ARMC10: variants seen among roughly 807,000 people sequenced by gnomAD.
ARMC10 encodes armadillo repeat-containing protein 10.
A neutral mutation model predicts 30.2 loss-of-function variants in ARMC10; 23 were observed. That is an observed-to-expected ratio of 0.76 (90% CI 0.55 to 1.08). The LOEUF (loss-of-function observed/expected upper bound fraction) is 1.08. Ranked by LOEUF, ARMC10 falls within the 50% of genes least tolerant of loss-of-function variation. The pLI, the probability that ARMC10 is intolerant of heterozygous loss-of-function variation, is 0.00. For synonymous variants in ARMC10, 111 were observed against 164.4 expected (o/e 0.68, Z 2.48); for missense variants, 303 against 413.7 (o/e 0.73, Z 2.32).
chr7:103,092,543 G>A lies in ARMC10; in HGVS notation c.595G>A (p.Gly199Arg), dbSNP rs1801438998. The A allele has an allele frequency of 6.2e-7, 1 of 1,610,210 alleles. No homozygotes were observed. Among genetic ancestry groups the A allele is most frequent in the Non-Finnish European group, 8.5e-7 (1 of 1,177,030 alleles). The change falls in exon 5 of 7, where the codon GGA (glycine) becomes AGA (arginine). Residue 199 changes from glycine (G) to arginine (R), a missense_variant. By Grantham distance (125) the Gly-to-Arg change is moderately radical. Around this residue, in one of 4 missense-constraint regions of ARMC10, gnomAD observed 170 missense variants for 207.2 expected, o/e 0.82. Transcript: ENST00000323716. ...TCTGAACTCTGCTGTGCAGCTGGCT[G>A]GACTGACATTGTTGACAAACATGAC... ...GPLNSAVQLA[G>R]LTLLTNMTVT...
chr7:103,083,537 G>C (rs1175868497), intron 2 of ARMC10, 145 bp from the exon 3 acceptor site: 2 of 680,752 alleles, frequency 2.9e-6, no homozygotes, highest in African/African-American at 3.6e-5. Flanking sequence ...GAGGCAGGAA[G>C]ATCACTTGAG....
intron 2 of ARMC10, among the ~76,000 whole-genome samples, chr7:103,082,405 CAAAAA>C (rs11354159): frequency 1.4e-5 from 2 of 141,502 alleles, no homozygotes; most frequent in African/African-American, 2.6e-5. Context: ...CTGTTTATTG[CAAAAA>C]AAAAAAAAAG....
intron 2 of ARMC10, among the ~76,000 whole-genome samples, chr7:103,077,630 T>G (rs868273568): frequency 3.9e-5 from 6 of 152,296 alleles, no homozygotes; most frequent in Middle Eastern, 3.4e-3. Context: ...AGGCCTTACC[T>G]CTCAATACTG....
chr7:103,090,933 C>T (rs1471182340), intron 4 of ARMC10, among the ~76,000 whole-genome samples: 3 of 152,050 alleles, frequency 2.0e-5, no homozygotes, highest in Non-Finnish European at 2.9e-5. Flanking sequence ...TTTAATCTCT[C>T]ATTGCTTTAC....
In ARMC10 at chr7:103,099,572, TCC is replaced by T. The variant is rs2129525008; in HGVS notation, c.*1021_*1022del. 1 of 17,160 alleles carries T rather than the reference TCC, an allele frequency of 5.8e-5. No individual in the cohort carries two copies. Among genetic ancestry groups the T allele is most frequent in the South Asian group, 0.042 (1 of 24 alleles). The allele number at this position is 17,160 out of a possible 1,614,324, so 1.1% of individuals were successfully genotyped here. ...AACACAAAAATTATAGAATATGGGATCCCGTGTGTGTGTGTGTGTGTTTGAAT... is the reference window on the plus strand; with the variant it reads ...AACACAAAAATTATAGAATATGGGATCGTGTGTGTGTGTGTGTGTTTGAAT... On this transcript the variant is annotated 3_prime_UTR_variant, in exon 7 of 7. Transcript: ENST00000323716.
intron 3 of ARMC10, among the ~76,000 whole-genome samples, chr7:103,085,959 TATC>T (rs1336217143): frequency 2.0e-5 from 3 of 152,170 alleles, no homozygotes; most frequent in Admixed American, 6.5e-5. Context: ...TTCTGCAAGA[TATC>T]AGTGCGTTCC....
intron 2 of ARMC10, chr7:103,081,868 C>T (rs767851197): frequency 2.2e-6 from 1 of 456,616 alleles, no homozygotes; most frequent in South Asian, 1.5e-5. Flanking sequence ...TTAAGCCAAC[C>T]CTTTTATTTG....
intron 4 of ARMC10, 147 bp from the exon 5 acceptor site, chr7:103,092,330 C>CTGCTTG: frequency 4.3e-6 from 1 of 231,904 alleles, no homozygotes; most frequent in Non-Finnish European, 7.2e-6. Context: ...GACTCCGTCT[C>CTGCTTG]AAAAAAAAAA....
chr7:103,080,058 C>T lies in ARMC10; in HGVS notation c.245-3624C>T, dbSNP rs908122076. Among the ~76,000 whole-genome samples the T allele has an allele frequency of 7.9e-5, 12 of 152,216 alleles. No individual in the cohort carries two copies. In the South Asian group the frequency reaches 1.0e-3, roughly 13 times the overall value. ...TTTACTGGAGGAGACCACAAACCAC[C>T]GAGCCTAAGATTCTTTCACAGTCTT... On this transcript the variant is annotated intron_variant, in intron 2 of 6. Transcript: ENST00000323716.
chr7:103,081,805 T>G (rs2129520927), intron 2 of ARMC10: 1 of 446,318 alleles, frequency 2.2e-6, no homozygotes, highest in African/African-American at 2.0e-5. Context: ...CATGTGTATA[T>G]GAAATCATAC....
chr7:103,085,206 G>T (rs1420567234), intron 3 of ARMC10, among the ~76,000 whole-genome samples: 1 of 152,030 alleles, frequency 6.6e-6, no homozygotes, highest in African/African-American at 2.4e-5. Flanking sequence ...TGAGCAGCGG[G>T]GGTCAGTGCC....
intron 5 of ARMC10, among the ~76,000 whole-genome samples, chr7:103,093,118 T>C (rs886745970): frequency 2.6e-5 from 4 of 152,242 alleles, no homozygotes; most frequent in African/African-American, 7.2e-5. Context: ...GCAACAGATA[T>C]TGAGCTGAAT....
intron 5 of ARMC10, 42 bp downstream of exon 5, chr7:103,092,695 G>T: frequency 7.2e-7 from 1 of 1,380,418 alleles, no homozygotes; most frequent in Non-Finnish European, 9.8e-7. Context: ...CATTGAAATA[G>T]TATTTGCAGG....
intron 2 of ARMC10, among the ~76,000 whole-genome samples, chr7:103,082,106 ATTC>A (rs1403210569): frequency 2.0e-5 from 3 of 152,188 alleles, no homozygotes; most frequent in Non-Finnish European, 1.5e-5. Flanking sequence ...CTTTTCAAGT[ATTC>A]TTTGGGTGAA....
At position 103,092,647 on chromosome 7, in the gene ARMC10, C is replaced by T; in HGVS notation, c.699C>T (p.Asn233=). The T allele has an allele frequency of 6.4e-7, 1 of 1,565,846 alleles. No individual in the cohort carries two copies. ...LFQVLLTGNG[N]TKVQVLKLLL... is the part of the protein sequence containing the mutation. ...AGGTGTTACTTACTGGAAATGGAAA[C>T]ACGAAGGTATGAAGAGCTATTGTGT... is the stretch of plus-strand genomic sequence containing the variant. Residue 233 remains asparagine (N), a synonymous_variant, in exon 5 of 7, where the codon AAC becomes AAT. Transcript: ENST00000323716.
rs1324504855 is a variant in ARMC10, at chr7:103,082,374, T to C, written c.245-1308T>C. 2.0e-5 allele frequency among the ~76,000 whole-genome samples: 3 copies of C among 148,816 alleles called. 1 individual carries two copies. In the South Asian group the frequency reaches 6.5e-4, roughly 32 times the overall value. On this transcript the variant is annotated intron_variant, in intron 2 of 6. Coordinates refer to ENST00000323716, the MANE Select transcript of ARMC10 (RefSeq NM_031905.5). ...CTTCTTTGAGCAATATACTTAGTTA[T>C]TTTAGTTACAGAAATAATACCTGTT... is the stretch of plus-strand genomic sequence containing the variant.
intron 2 of ARMC10, among the ~76,000 whole-genome samples, chr7:103,082,811 C>T (rs1800506509): frequency 6.6e-6 from 1 of 152,014 alleles, no homozygotes; most frequent in Non-Finnish European, 1.5e-5. Context: ...AAGGTAAAGC[C>T]ATAAGTTTAA....
intron 5 of ARMC10, among the ~76,000 whole-genome samples, chr7:103,092,905 C>G (rs913854707): frequency 1.3e-5 from 2 of 152,140 alleles, no homozygotes. Context: ...AATATAGGAA[C>G]ATTGTGATTA....
chr7:103,092,740 A>G (rs1369832106), intron 5 of ARMC10, 87 bp downstream of exon 5: 7 of 994,666 alleles, frequency 7.0e-6, no homozygotes, highest in Middle Eastern at 2.3e-4. Flanking sequence ...TCAAAGAGGA[A>G]GATTTATTAA....
Sources: allele counts gnomAD v4.1 joint callset (sites outside exome capture counted in the v4.1 genomes callset), GRCh38; gene constraint gnomAD v4.1.1; regional missense constraint gnomAD v4.1.1; transcripts MANE v1.5; gene names NCBI Gene and HGNC (gene_info 2026-07-23, HGNC 2026-07-21).